WWOX: variants seen among roughly 807,000 people sequenced by gnomAD.
WWOX encodes WW domain containing oxidoreductase, also known as WW domain-containing oxidoreductase.
Under a neutral mutation model 46.2 loss-of-function variants are expected in WWOX, and 69 were observed. That is an observed-to-expected ratio of 1.49 (90% CI 1.23 to 1.82). The LOEUF (loss-of-function observed/expected upper bound fraction) is 1.82, where lower values mean the gene tolerates loss of function less well. WWOX is among the 40% of genes most tolerant of loss of function. The probability of loss-of-function intolerance (pLI) is 0.00; values close to 1 mark genes in which losing one functional copy is unlikely to be tolerated. For synonymous variants in WWOX, 359 were observed against 202.6 expected, an observed-to-expected ratio of 1.77 and a Z score of -6.56; for missense variants, 919 against 542.6, an observed-to-expected ratio of 1.69 and a Z score of -6.89.
intron 4 of WWOX, among the ~76,000 whole-genome samples, chr16:78,151,710 T>G (rs776852279): frequency 3.3e-5 from 5 of 152,228 alleles, no homozygotes; most frequent in Non-Finnish European, 7.3e-5. Flanking sequence ...TATTTTTAGT[T>G]TCTTCCTATA....
At chr16:78,939,337 C>G (rs1485166211) in intron 8 of WWOX, among the ~76,000 whole-genome samples, 1 of 152,194 alleles carries the variant, frequency 6.6e-6, no homozygotes, top group Non-Finnish European at 1.5e-5. Context: ...GTGTCCCTTA[C>G]AGATGATGCC....
intron 8 of WWOX, among the ~76,000 whole-genome samples, chr16:78,836,191 C>G (rs1418803187): frequency 6.6e-6 from 1 of 150,996 alleles, no homozygotes; most frequent in Non-Finnish European, 1.5e-5. Flanking sequence ...TTTTTTTTAA[C>G]AGTTAGATTT....
intron 5 of WWOX, among the ~76,000 whole-genome samples, chr16:78,181,234 G>T (rs568060299): frequency 1.7e-4 from 26 of 152,186 alleles, no homozygotes; most frequent in African/African-American, 6.0e-4. Context: ...AACCTGTCTA[G>T]CGGTGTTTTT....
At chr16:78,515,245 C>CA (rs2085461534) in intron 8 of WWOX, among the ~76,000 whole-genome samples, 2 of 151,860 alleles carry the variant, frequency 1.3e-5, no homozygotes, top group Non-Finnish European at 2.9e-5. Context: ...ATAAAACAAA[C>CA]AAAAAAATAC....
At chr16:78,983,765 A>T (rs2046729165) in intron 8 of WWOX, among the ~76,000 whole-genome samples, 1 of 152,024 alleles carries the variant, frequency 6.6e-6, no homozygotes, top group South Asian at 2.1e-4. Context: ...CTATTGTGTT[A>T]AACCCCTGTG....
intron 8 of WWOX, among the ~76,000 whole-genome samples, chr16:78,950,354 G>A (rs1044523031): frequency 1.3e-5 from 2 of 152,178 alleles, no homozygotes; most frequent in Non-Finnish European, 2.9e-5. Flanking sequence ...GTACTTTTCA[G>A]TGTTTGTTAC....
intron 8 of WWOX, among the ~76,000 whole-genome samples, chr16:78,811,267 T>C (rs1456902807): frequency 6.6e-6 from 1 of 152,210 alleles, no homozygotes; most frequent in East Asian, 1.9e-4. Context: ...AATTGCTGAG[T>C]AATTGATGAT....
rs1206354431 is a variant in WWOX, at chr16:78,745,227, C to G, written c.1056+312475C>G. Among the ~76,000 whole-genome samples the G allele has an allele frequency of 2.6e-5, 4 of 152,322 alleles. No homozygotes were observed. In the East Asian group the frequency reaches 7.7e-4, roughly 29 times the overall value. On this transcript the variant is annotated intron_variant, in intron 8 of 8. Coordinates refer to ENST00000566780, the MANE Select transcript of WWOX (RefSeq NM_016373.4). ...TCAGTATTAAGGCACTTGATTAGTTCTTCCTGTTGGTGGACTGATTGATTA... is the reference window on the plus strand; with the variant it reads ...TCAGTATTAAGGCACTTGATTAGTTGTTCCTGTTGGTGGACTGATTGATTA...
At chr16:78,934,256 T>G (rs1167792609) in intron 8 of WWOX, among the ~76,000 whole-genome samples, 1 of 146,526 alleles carries the variant, frequency 6.8e-6, no homozygotes, top group Non-Finnish European at 1.5e-5. Context: ...GAGAATGGCG[T>G]GAACCCAGGA....
chr16:79,044,337 A>G (rs186102664), intron 8 of WWOX, among the ~76,000 whole-genome samples: 257 of 152,328 alleles, frequency 1.7e-3, no homozygotes, highest in Middle Eastern at 3.4e-3. Context: ...GGTAATCTGC[A>G]GCGTTGGAGG....
At chr16:78,267,702 A>C in intron 5 of WWOX, among the ~76,000 whole-genome samples, 1 of 152,204 alleles carries the variant, frequency 6.6e-6, no homozygotes, top group East Asian at 1.9e-4. Flanking sequence ...CCTGCTCCCT[A>C]CACTGCTTCA....
intron 8 of WWOX, among the ~76,000 whole-genome samples, chr16:78,786,975 C>T (rs967691025): frequency 2.0e-5 from 3 of 152,096 alleles, no homozygotes; most frequent in Non-Finnish European, 4.4e-5. Context: ...TGATGAAACC[C>T]TGTCTCTACT....
At chr16:78,374,321 C>G (rs1235576564) in intron 5 of WWOX, among the ~76,000 whole-genome samples, 2 of 152,158 alleles carry the variant, frequency 1.3e-5, no homozygotes, top group Middle Eastern at 3.4e-3. Context: ...CAAAGCCAGA[C>G]CATGCATGAT....
chr16:79,103,949 G>C (rs1205304332), intron 8 of WWOX, among the ~76,000 whole-genome samples: 1 of 148,152 alleles, frequency 6.7e-6, no homozygotes, highest in Non-Finnish European at 1.5e-5. Flanking sequence ...TTTCAAGAGA[G>C]AAGTCTAGGA....
intron 8 of WWOX, among the ~76,000 whole-genome samples, chr16:78,663,145 G>T (rs777088581): frequency 3.9e-5 from 6 of 152,102 alleles, no homozygotes; most frequent in African/African-American, 1.4e-4. Flanking sequence ...GTACCCTTCA[G>T]CCAGCATTCC....
chr16:78,328,460 G>A (rs868787952), intron 5 of WWOX, among the ~76,000 whole-genome samples: 1 of 152,186 alleles, frequency 6.6e-6, no homozygotes, highest in Non-Finnish European at 1.5e-5. Flanking sequence ...TGGATGAGCT[G>A]TTTAATTTTC....
intron 8 of WWOX, among the ~76,000 whole-genome samples, chr16:78,561,041 C>T (rs1207190475): frequency 6.6e-6 from 1 of 152,174 alleles, no homozygotes; most frequent in East Asian, 1.9e-4. Context: ...TCCTTTCCTG[C>T]ATGCTCTGTG....
intron 8 of WWOX, among the ~76,000 whole-genome samples, chr16:78,884,405 T>C (rs2044410040): frequency 6.6e-6 from 1 of 152,110 alleles, no homozygotes; most frequent in Non-Finnish European, 1.5e-5. Flanking sequence ...ACTGAATCAT[T>C]ATTCATGATT....
chr16:79,047,925 A>T (rs771232615), intron 8 of WWOX, among the ~76,000 whole-genome samples: 1 of 152,044 alleles, frequency 6.6e-6, no homozygotes, highest in Non-Finnish European at 1.5e-5. Context: ...ACACCCGAGC[A>T]ATTACCTAGC....
Sources: gnomAD v4.1 joint callset for allele counts (sites outside exome capture counted in the v4.1 genomes callset) on GRCh38, gnomAD v4.1.1 for gene constraint, MANE v1.5 for transcripts, NCBI Gene and HGNC (gene_info 2026-07-23, HGNC 2026-07-21) for gene names.